Variants in SPAG8 observed in about 807,000 individuals in gnomAD.
SPAG8 encodes sperm associated antigen 8, also known as sperm-associated antigen 8.
SPAG8 carries 36 observed loss-of-function variants against 45.3 expected under a neutral mutation model. The ratio of observed to expected loss-of-function variants is 0.80; its 90% CI spans 0.61 to 1.05. The LOEUF is 1.05. Ranked by LOEUF, SPAG8 falls within the 50% of genes least tolerant of loss-of-function variation. SPAG8 has a pLI of 0.00. For missense variants in SPAG8, 573 were observed against 609.2 expected, an observed-to-expected ratio of 0.94 and a Z score of 0.63; for synonymous variants, 227 against 232.6, an observed-to-expected ratio of 0.98 and a Z score of 0.22.
Position 35,811,565 on chromosome 9 carries a change from A to G in SPAG8, c.481T>C (p.Ser161Pro), listed in dbSNP as rs867424498. 1 of 1,612,388 alleles carries G rather than the reference A, an allele frequency of 6.2e-7. No homozygotes were observed. The highest frequency in any genetic ancestry group is 8.5e-7 in the Non-Finnish European group (1 of 1,179,068). ...SGAGHGSGSG[S>P]GPGCGSVPGS... The stretch of plus-strand genomic sequence containing the variant: ...GGGACAGAGCCACAGCCAGGACCAG[A>G]GCCAGAGCCAGAGCCATGGCCAGCA... Residue 161 changes from serine to proline, a missense_variant, in exon 2 of 7, where the codon TCT (serine) becomes CCT (proline). Ser to Pro is a moderately conservative substitution (Grantham distance 74, BLOSUM62 -1). Coordinates refer to ENST00000396638, the MANE Select transcript of SPAG8 (RefSeq NM_001039592.2).
At chr9:35,808,039 T>C (rs546079878), downstream of SPAG8, 1 of 697,770 alleles carries the variant, frequency 1.4e-6, no homozygotes, top group East Asian at 2.5e-5. This position sits in a 1 kb window ranked among gnomAD's most constrained non-coding sequence, Gnocchi z 4.0. Context: ...AAAACTTCAC[T>C]GTGTATTTCC....
At position 35,811,065 on chromosome 9, in the gene SPAG8, T is replaced by A. The variant is rs1425381346; in HGVS notation, c.865-8A>T. 32 of 1,611,134 alleles carry A rather than the reference T, an allele frequency of 2.0e-5. No individual in the cohort carries two copies. Among genetic ancestry groups the A allele is most frequent in the Non-Finnish European group, 2.5e-5 (30 of 1,178,464 alleles). ...CAGGTGGTTGGTGGCTCTCTGTGGA[T>A]CCCAAGTTGAATGACTATAATATCC... is the stretch of plus-strand genomic sequence containing the variant. On this transcript the variant is annotated splice_region_variant and splice_polypyrimidine_tract_variant and intron_variant, in intron 2 of 6. Coordinates refer to ENST00000396638, the MANE Select transcript of SPAG8 (RefSeq NM_001039592.2).
chr9:35,807,997 T>C (rs1235851397), downstream of SPAG8: 1 of 607,528 alleles, frequency 1.6e-6, no homozygotes, highest in Non-Finnish European at 2.9e-6. Context: ...GGATAACTAC[T>C]TTATCCCTAA....
downstream of SPAG8, chr9:35,809,635 C>T (rs1252560492): frequency 9.0e-7 from 1 of 1,116,746 alleles, no homozygotes; most frequent in East Asian, 2.3e-5. The surrounding 1 kb of genome is among the most constrained non-coding windows in gnomAD (Gnocchi z 4.1). Flanking sequence ...CCCTCTCTGG[C>T]TTGGTCCCCT....
At chr9:35,809,601 G>A (rs1588076060), downstream of SPAG8, 18 of 1,268,510 alleles carry the variant, frequency 1.4e-5, no homozygotes, top group Non-Finnish European at 2.0e-5. This position sits in a 1 kb window ranked among gnomAD's most constrained non-coding sequence, Gnocchi z 4.1. Flanking sequence ...GCCCTCTGCA[G>A]CTCAGCCCTG....
chr9:35,808,003 C>T, downstream of SPAG8: 1 of 615,044 alleles, frequency 1.6e-6, no homozygotes, highest in South Asian at 1.9e-5. The surrounding 1 kb of genome is among the most constrained non-coding windows in gnomAD (Gnocchi z 4.0). Context: ...CTACTTTATC[C>T]CTAAATACTT....
downstream of SPAG8, chr9:35,808,963 C>G: frequency 1.1e-6 from 1 of 942,690 alleles, no homozygotes. The surrounding 1 kb of genome is among the most constrained non-coding windows in gnomAD (Gnocchi z 4.0). Context: ...TCCTTAGTGT[C>G]GCATCCTCGG....
rs1189913392 is a variant in SPAG8, at chr9:35,810,976, G to T, written c.946C>A (p.Leu316Met). 1 of 1,614,174 alleles carries T rather than the reference G, an allele frequency of 6.2e-7. No homozygotes were observed. Among genetic ancestry groups the T allele is most frequent in the South Asian group, 1.1e-5 (1 of 91,078 alleles). Residue 316 changes from leucine (L) to methionine (M), a missense_variant, in exon 3 of 7, where the codon CTG becomes ATG. Leu to Met is a conservative substitution (Grantham distance 15). Coordinates refer to ENST00000396638, the MANE Select transcript of SPAG8 (RefSeq NM_001039592.2). ...SFFFRHGHRG[L>M]LTMQLKSPMP... ...GGTGACTTTAGTTGCATAGTCAGCA[G>T]TCCCCGGTGTCCGTGTCGGAAGAAA...
chr9:35,808,922 C>T (rs1178269154), downstream of SPAG8: 9 of 1,075,692 alleles, frequency 8.4e-6, no homozygotes, highest in East Asian at 1.4e-4. This position sits in a 1 kb window ranked among gnomAD's most constrained non-coding sequence, Gnocchi z 4.0. Flanking sequence ...TTTCATAATC[C>T]CTCCAATTTC....
downstream of SPAG8, chr9:35,808,415 A>G: frequency 7.0e-7 from 1 of 1,437,260 alleles, no homozygotes; most frequent in Non-Finnish European, 9.8e-7. This position sits in a 1 kb window ranked among gnomAD's most constrained non-coding sequence, Gnocchi z 4.0. Flanking sequence ...GCATGTCAGG[A>G]TGATTAATGA....
rs2132115588 is a variant in SPAG8 at position 35,811,541 on chromosome 9, G to A, written c.505C>T (p.Pro169Ser). 6.2e-7 allele frequency: 1 copy of A among 1,606,940 alleles called. No individual in the cohort carries two copies. The highest frequency in any genetic ancestry group is 1.7e-5 in the Admixed American group (1 of 59,142). Residue 169 changes from proline (P) to serine (S), a missense_variant, in exon 2 of 7, where the codon CCT becomes TCT. Physicochemically the swap from Pro to Ser is moderately conservative, Grantham distance 74. Coordinates refer to ENST00000396638, the MANE Select transcript of SPAG8 (RefSeq NM_001039592.2). Reference sequence around the variant, plus strand: ...GGACCAGGACCAGAGCCAGAGCCAGGGACAGAGCCACAGCCAGGACCAGAG... The same window carrying A: ...GGACCAGGACCAGAGCCAGAGCCAGAGACAGAGCCACAGCCAGGACCAGAG... ...SGSGPGCGSVPGSGSGPGPGS... is the reference protein window; with the variant it reads ...SGSGPGCGSVSGSGSGPGPGS...
chr9:35,810,743 A>G, intron 3 of SPAG8, 61 bp from the exon 4 acceptor site: 1 of 1,609,044 alleles, frequency 6.2e-7, no homozygotes, highest in Non-Finnish European at 8.5e-7. Context: ...CCCAGAAGAA[A>G]CTAACTTGAG....
chr9:35,808,588 C>T, downstream of SPAG8: 1 of 1,614,148 alleles, frequency 6.2e-7, no homozygotes, highest in South Asian at 1.1e-5. This position sits in a 1 kb window ranked among gnomAD's most constrained non-coding sequence, Gnocchi z 4.0. Flanking sequence ...CCAGAAATTG[C>T]TCGTATGGCC....
In SPAG8 at chr9:35,810,625, C is replaced by G; in HGVS notation, c.1085+12G>C. On this transcript the variant is annotated intron_variant, in intron 4 of 6. Coordinates refer to ENST00000396638, the MANE Select transcript of SPAG8 (RefSeq NM_001039592.2). ...CCTCCCCATCCCTCTTCCCCTTTACCCAATCCCTTACCAGATCTGATGCTG... is the reference window on the plus strand; with the variant it reads ...CCTCCCCATCCCTCTTCCCCTTTACGCAATCCCTTACCAGATCTGATGCTG... 1 of 1,614,136 alleles carries G rather than the reference C, an allele frequency of 6.2e-7. No individual in the cohort carries two copies. The highest frequency in any genetic ancestry group is 1.1e-5 in the South Asian group (1 of 91,084).
Position 35,810,956 on chromosome 9 carries a change from CTT to C in SPAG8, c.964_965del (p.Lys322ValfsTer28), listed in dbSNP as rs762758491. 3.1e-6 allele frequency: 5 copies of C among 1,614,066 alleles called. No individual in the cohort carries two copies. The African/African-American group carries it at 6.7e-5, about 22-fold the overall frequency. On this transcript the variant is annotated frameshift_variant, in exon 3 of 7. Coordinates refer to ENST00000396638, the MANE Select transcript of SPAG8 (RefSeq NM_001039592.2). LOFTEE classifies it high-confidence loss of function. ...GGGTGGTGCTGGAGGGCATGGGTGA[CTT>C]TAGTTGCATAGTCAGCAGTCCCCGG... is the stretch of plus-strand genomic sequence containing the variant. ...GHRGLLTMQLKSPMPSSTTQK... is the reference protein window; with the variant it reads ...GHRGLLTMQLXSPMPSSTTQK...
chr9:35,808,607 A>G, downstream of SPAG8: 1 of 1,614,162 alleles, frequency 6.2e-7, no homozygotes. This position sits in a 1 kb window ranked among gnomAD's most constrained non-coding sequence, Gnocchi z 4.0. Context: ...CCCTAGCATT[A>G]CTAGATGCAG....
At chr9:35,809,567 A>T, downstream of SPAG8, 1 of 1,525,068 alleles carries the variant, frequency 6.6e-7, no homozygotes, top group Admixed American at 1.7e-5. This position sits in a 1 kb window ranked among gnomAD's most constrained non-coding sequence, Gnocchi z 4.1. Flanking sequence ...GCCACAAAAA[A>T]ACCTACCTTA....
intron 5 of SPAG8, 50 bp from the exon 6 acceptor site, chr9:35,810,359 AC>A (rs1828715356): frequency 6.2e-7 from 1 of 1,608,142 alleles, no homozygotes; most frequent in African/African-American, 1.3e-5. Context: ...CTCTCTCTCA[AC>A]CTCTGGGCTT....
intron 3 of SPAG8, 48 bp downstream of exon 3, chr9:35,810,835 C>G: frequency 6.3e-7 from 1 of 1,597,824 alleles, no homozygotes; most frequent in East Asian, 2.2e-5. Context: ...TCCTCTTCTT[C>G]CCTCTGAGTA....
Sources: gnomAD v4.1 joint callset for allele counts on GRCh38, gnomAD v4.1.1 for gene constraint, Gnocchi (gnomAD v3.1) non-coding constraint, MANE v1.5 for transcripts, NCBI Gene and HGNC (gene_info 2026-07-23, HGNC 2026-07-21) for gene names.